Variants in RNF145 observed in about 807,000 individuals in gnomAD.
The protein encoded by RNF145 is ring finger protein 145.
Under a neutral mutation model 57.3 loss-of-function variants are expected in RNF145, and 12 were observed. The ratio of observed to expected loss-of-function variants is 0.21; its 90% CI spans 0.13 to 0.34. RNF145 has a LOEUF of 0.34. RNF145 is among the 10% of genes least tolerant of loss of function. The pLI is 1.00. For missense variants in RNF145, 429 were observed against 799.0 expected, an observed-to-expected ratio of 0.54 and a Z score of 5.58; for synonymous variants, 262 against 288.3, an observed-to-expected ratio of 0.91 and a Z score of 0.92.
intron 1 of RNF145, chr5:159,208,150 G>C: frequency 7.1e-7 from 1 of 1,417,204 alleles, no homozygotes; most frequent in Non-Finnish European, 9.2e-7. Context: ...GCAGATCTCA[G>C]ATGCGTTTGA....
intron 2 of RNF145, 87 bp from the exon 3 acceptor site, chr5:159,194,911 T>G (rs1562071463): frequency 9.4e-6 from 9 of 956,818 alleles, no homozygotes; most frequent in Non-Finnish European, 1.4e-5. Flanking sequence ...CAAATAATTT[T>G]CCAAATAGGT....
At chr5:159,196,229 GT>G (rs11360125) in intron 2 of RNF145, among the ~76,000 whole-genome samples, 85,670 of 129,016 alleles carry the variant, frequency 0.66, 26,590 homozygotes, top group South Asian at 0.76. Flanking sequence ...AATATTATGA[GT>G]TTTTTTTTTT....
intron 6 of RNF145, among the ~76,000 whole-genome samples, chr5:159,171,918 G>T (rs1012243925): frequency 1.3e-5 from 2 of 152,000 alleles, no homozygotes; most frequent in African/African-American, 4.8e-5. Flanking sequence ...TCCTGGCGAG[G>T]CATAGAAAAA....
At position 159,194,707 on chromosome 5, in the gene RNF145, T is replaced by C; in HGVS notation, c.293+9A>G. 1 of 1,530,808 alleles carries C rather than the reference T, an allele frequency of 6.5e-7. No homozygotes were observed. The highest frequency in any genetic ancestry group is 9.0e-7 in the Non-Finnish European group (1 of 1,109,758). 94.8% of individuals were successfully genotyped at this position (1,530,808 alleles called of 1,614,324 possible). On this transcript the variant is annotated intron_variant, in intron 3 of 10. Transcript: ENST00000424310. ...ATCATACATTTCAAAAATGGGGTCA[T>C]ATTCTTACCTGGAAATTTGATGTCC...
chr5:159,167,232 T>C lies in RNF145; in HGVS notation c.1121+1641A>G, dbSNP rs890181664. 8.5e-5 allele frequency among the ~76,000 whole-genome samples: 13 copies of C among 152,308 alleles called. No homozygotes were observed. In the East Asian group the frequency reaches 2.3e-3, roughly 27 times the overall value. ...GCAATGGTGGGAGGGAAGAACAGAA[T>C]AGAATAGTTCATGTCTATTTTTCCT... On this transcript the variant is annotated intron_variant, in intron 8 of 10. Coordinates refer to ENST00000424310, the MANE Select transcript of RNF145 (RefSeq NM_001199383.2).
intron 2 of RNF145, among the ~76,000 whole-genome samples, chr5:159,200,092 G>A (rs558808127): frequency 1.1e-3 from 175 of 152,194 alleles, no homozygotes; most frequent in Middle Eastern, 6.8e-3. Flanking sequence ...GGAGTTCCAG[G>A]CCAGCCTGGG....
At chr5:159,163,600 G>C (rs1054652422) in intron 8 of RNF145, among the ~76,000 whole-genome samples, 18 of 152,134 alleles carry the variant, frequency 1.2e-4, no homozygotes, top group African/African-American at 3.1e-4. Flanking sequence ...ACATGACTGA[G>C]AGCAACTGTA....
At chr5:159,206,854 C>T (rs1785904509) in intron 1 of RNF145, among the ~76,000 whole-genome samples, 1 of 151,966 alleles carries the variant, frequency 6.6e-6, no homozygotes, top group Non-Finnish European at 1.5e-5. Flanking sequence ...CCTCCTTGAA[C>T]TTTGAAAAGA....
intron 1 of RNF145, among the ~76,000 whole-genome samples, chr5:159,204,319 C>G (rs1785781566): frequency 6.6e-6 from 1 of 151,878 alleles, no homozygotes. Flanking sequence ...CACAGATAAG[C>G]AGGCACATGG....
chr5:159,190,303 G>C (rs1000295834), intron 3 of RNF145, among the ~76,000 whole-genome samples: 4 of 151,944 alleles, frequency 2.6e-5, no homozygotes, highest in Non-Finnish European at 4.4e-5. Flanking sequence ...CAAAATGCTG[G>C]GATTACAAGT....
At chr5:159,181,800 T>TAA (rs1258781642) in intron 4 of RNF145, among the ~76,000 whole-genome samples, 160 bp downstream of exon 4, 1 of 142,774 alleles carries the variant, frequency 7.0e-6, no homozygotes, top group Non-Finnish European at 1.5e-5. Context: ...AAAGAAGACT[T>TAA]AAAAAAAAAA....
In RNF145 at chr5:159,174,000, A is replaced by G; in HGVS notation, c.780T>C (p.Leu260=). ...RDQPASRERL[L]FLFLTSIAEC... is the part of the protein sequence containing the mutation. ...TTAATTACCTTGTCAGAAAAAGGAA[A>G]AGAAGCCTCTCACGTGATGCAGGCT... is the stretch of plus-strand genomic sequence containing the variant. Residue 260 remains leucine, a synonymous_variant, in exon 6 of 11, where the codon CTT becomes CTC. Coordinates refer to ENST00000424310, the MANE Select transcript of RNF145 (RefSeq NM_001199383.2). 6.2e-7 allele frequency: 1 copy of G among 1,606,432 alleles called. No homozygotes were observed. The highest frequency in any genetic ancestry group is 1.1e-5 in the South Asian group (1 of 89,490).
At chr5:159,177,152 A>C (rs1054365090) in intron 4 of RNF145, among the ~76,000 whole-genome samples, 1 of 152,088 alleles carries the variant, frequency 6.6e-6, no homozygotes, top group African/African-American at 2.4e-5. Context: ...AGAAAACTTT[A>C]AACAATGTCT....
chr5:159,180,694 A>G (rs1784861713), intron 4 of RNF145, among the ~76,000 whole-genome samples: 1 of 152,150 alleles, frequency 6.6e-6, no homozygotes, highest in Non-Finnish European at 1.5e-5. Context: ...AACATATCCT[A>G]AACATCATCA....
chr5:159,176,710 C>T lies in RNF145; in HGVS notation c.543G>A (p.Leu181=), dbSNP rs894239811. ...TAGACCCAAGAAAATAGAGAACTTC[C>T]AATCCAGTAAAAATCATAGCAAATT... The part of the protein sequence containing the change: ...INKFAMIFTG[L]EVLYFLGSNL... Residue 181 remains leucine (L), a synonymous_variant, in exon 5 of 11, where the codon TTG becomes TTA. Coordinates refer to ENST00000424310, the MANE Select transcript of RNF145 (RefSeq NM_001199383.2). The T allele has an allele frequency of 3.7e-6, 6 of 1,612,036 alleles. No individual in the cohort carries two copies. Among genetic ancestry groups the T allele is most frequent in the Admixed American group, 3.3e-5 (2 of 59,848 alleles).
intron 8 of RNF145, among the ~76,000 whole-genome samples, chr5:159,168,223 G>A (rs966787881): frequency 3.9e-5 from 6 of 151,916 alleles, no homozygotes; most frequent in African/African-American, 1.5e-4. Context: ...AATATCACAC[G>A]AACCTCAAAA....
At chr5:159,209,183 G>C (rs1006130714) in intron 1 of RNF145, 48 bp downstream of exon 1, 1 of 874,848 alleles carries the variant, frequency 1.1e-6, no homozygotes, top group African/African-American at 1.9e-5. Context: ...GTGGGAAGCG[G>C]CCGGGGGGCG....
intron 10 of RNF145, among the ~76,000 whole-genome samples, chr5:159,159,304 T>C (rs1180135016): frequency 6.6e-6 from 1 of 152,194 alleles, no homozygotes; most frequent in Non-Finnish European, 1.5e-5. Flanking sequence ...TATAACTGGG[T>C]TTTGCCTGAG....
intron 4 of RNF145, among the ~76,000 whole-genome samples, 159 bp from the exon 5 acceptor site, chr5:159,177,026 G>A (rs1347340021): frequency 6.6e-6 from 1 of 152,058 alleles, no homozygotes; most frequent in Non-Finnish European, 1.5e-5. Context: ...AACTTCATCT[G>A]ACTATAATTA....
Sources: gnomAD v4.1 joint callset for allele counts (sites outside exome capture counted in the v4.1 genomes callset) on GRCh38, gnomAD v4.1.1 for gene constraint, MANE v1.5 for transcripts, NCBI Gene and HGNC (gene_info 2026-07-23, HGNC 2026-07-21) for gene names.